PDE10A: variants seen among roughly 807,000 people sequenced by gnomAD.
The protein encoded by PDE10A is phosphodiesterase 10A.
A neutral mutation model predicts 97.7 loss-of-function variants in PDE10A; 39 were observed. The observed-to-expected ratio is 0.40, with a 90% CI of 0.31 to 0.52. The LOEUF (loss-of-function observed/expected upper bound fraction) is 0.52, where lower values mean the gene tolerates loss of function less well. PDE10A is among the 20% of genes least tolerant of loss of function. The pLI is 0.56. For synonymous variants in PDE10A, 371 were observed against 376.8 expected (o/e 0.98, Z 0.18); for missense variants, 731 against 1,047.8 (o/e 0.70, Z 4.17).
At chr6:165,888,283 T>C (rs1264780667) in intron 1 of PDE10A, among the ~76,000 whole-genome samples, 1 of 142,282 alleles carries the variant, frequency 7.0e-6, no homozygotes. Context: ...TATGCTTGCT[T>C]TTCTTTTCTT....
chr6:165,695,194 C>A (rs973838210), intron 1 of PDE10A, among the ~76,000 whole-genome samples: 1 of 148,156 alleles, frequency 6.7e-6, no homozygotes. Context: ...CCCCAGTGAG[C>A]CTGGTGAAAA....
At chr6:165,457,666 T>C (rs73788398) in intron 3 of PDE10A, among the ~76,000 whole-genome samples, 5,427 of 152,258 alleles carry the variant, frequency 0.036, 349 homozygotes, top group African/African-American at 0.12. Flanking sequence ...GTACATTTGC[T>C]GTGGTGCCTC....
chr6:165,590,681 G>C (rs1452181455), intron 1 of PDE10A, among the ~76,000 whole-genome samples: 1 of 152,162 alleles, frequency 6.6e-6, no homozygotes, highest in Non-Finnish European at 1.5e-5. Context: ...CACGAGATCA[G>C]CAGATCGAGA....
chr6:165,577,401 G>A (rs1380830233), intron 1 of PDE10A, among the ~76,000 whole-genome samples: 5 of 152,120 alleles, frequency 3.3e-5, no homozygotes, highest in African/African-American at 7.2e-5. Context: ...AGACCTTCCA[G>A]GGCAGCACGC....
intron 1 of PDE10A, among the ~76,000 whole-genome samples, chr6:165,958,579 AAGACAGAAAGAG>A (rs1562327397): frequency 9.6e-4 from 33 of 34,524 alleles, no homozygotes; most frequent in African/African-American, 2.7e-3. Context: ...GACAGAAAGA[AAGACAGAAAGAG>A]AGAAAGAAAG....
intron 2 of PDE10A, among the ~76,000 whole-genome samples, chr6:165,483,230 C>CA (rs1779706814): frequency 6.6e-6 from 1 of 152,186 alleles, no homozygotes; most frequent in African/African-American, 2.4e-5. Context: ...TCTTCTTGAG[C>CA]AATCAAACCC....
chr6:165,413,806 T>C (rs926585290), intron 12 of PDE10A, 119 bp from the exon 13 acceptor site: 2 of 700,354 alleles, frequency 2.9e-6, no homozygotes, highest in South Asian at 2.0e-5. Context: ...CTATTGCATA[T>C]GACTAATGGC....
chr6:165,895,614 C>A (rs905046259), intron 1 of PDE10A, among the ~76,000 whole-genome samples: 1 of 152,190 alleles, frequency 6.6e-6, no homozygotes, highest in African/African-American at 2.4e-5. Flanking sequence ...AAGACAAAGG[C>A]CTTCCTTATC....
chr6:165,550,720 G>A (rs1783971615), intron 1 of PDE10A, among the ~76,000 whole-genome samples: 1 of 152,174 alleles, frequency 6.6e-6, no homozygotes, highest in Non-Finnish European at 1.5e-5. Context: ...AATTGAGGAA[G>A]TCAGATAACA....
chr6:165,766,897 A>G (rs1329389514), intron 1 of PDE10A, among the ~76,000 whole-genome samples: 1 of 152,260 alleles, frequency 6.6e-6, no homozygotes, highest in Non-Finnish European at 1.5e-5. Context: ...TTTCATATCA[A>G]TAGCCATTTG....
chr6:165,580,245 A>G (rs1023327430), intron 1 of PDE10A, among the ~76,000 whole-genome samples: 3 of 152,122 alleles, frequency 2.0e-5, no homozygotes, highest in African/African-American at 7.2e-5. Flanking sequence ...ATGAGGAGGA[A>G]TGGGTCGGGT....
chr6:165,747,426 A>G (rs957500893), intron 1 of PDE10A, among the ~76,000 whole-genome samples: 6 of 152,150 alleles, frequency 3.9e-5, no homozygotes, highest in African/African-American at 1.2e-4. Context: ...CATTGACTCA[A>G]TCTTCACAAT....
At chr6:165,755,029 C>G (rs1793085738) in intron 1 of PDE10A, among the ~76,000 whole-genome samples, 1 of 151,904 alleles carries the variant, frequency 6.6e-6, no homozygotes, top group Non-Finnish European at 1.5e-5. Context: ...ACATTTAAAA[C>G]TGAAAAAAAG....
chr6:165,390,416 G>T (rs1355283582), intron 16 of PDE10A, among the ~76,000 whole-genome samples: 4 of 152,186 alleles, frequency 2.6e-5, no homozygotes, highest in Non-Finnish European at 4.4e-5. Flanking sequence ...CTTACATGGG[G>T]TTTACTGCAA....
At chr6:165,745,139 A>G (rs1256976259) in intron 1 of PDE10A, among the ~76,000 whole-genome samples, 2 of 152,212 alleles carry the variant, frequency 1.3e-5, no homozygotes, top group Non-Finnish European at 2.9e-5. Flanking sequence ...TATGGCTTCA[A>G]GAAGATAATT....
At chr6:165,796,120 G>A (rs1421700368) in intron 1 of PDE10A, among the ~76,000 whole-genome samples, 14 of 131,290 alleles carry the variant, frequency 1.1e-4, no homozygotes, top group Non-Finnish European at 1.4e-4. Flanking sequence ...TTTTGAGACG[G>A]AGTCTTGATC....
intron 1 of PDE10A, among the ~76,000 whole-genome samples, chr6:165,624,956 CCT>C (rs962491191): frequency 4.3e-4 from 65 of 152,294 alleles, no homozygotes; most frequent in African/African-American, 1.5e-3. Flanking sequence ...AGGGCCTGAG[CCT>C]CAGGTATCTG....
intron 18 of PDE10A, among the ~76,000 whole-genome samples, chr6:165,363,701 T>C (rs947789448): frequency 6.6e-6 from 1 of 152,218 alleles, no homozygotes; most frequent in Admixed American, 6.5e-5. Flanking sequence ...ATAAGATCGG[T>C]AGTACAAAAA....
At position 165,654,872 on chromosome 6, in the gene PDE10A, G is replaced by A. The variant is rs114518404; in HGVS notation, c.865+7075C>T. Among the ~76,000 whole-genome samples the A allele has an allele frequency of 9.1e-3, 1,389 of 152,230 alleles. 28 individuals carry two copies. The highest frequency in any genetic ancestry group is 0.031 in the African/African-American group (1,307 of 41,526). On this transcript the variant is annotated intron_variant, in intron 1 of 21. Coordinates refer to ENST00000539869, the MANE Select transcript of PDE10A (RefSeq NM_001385079.1). ...AGGCTCCGCTTCTGAACTCCAGGCCGTGCTACCTTCCATCTCAGGATCTTG... is the reference window on the plus strand; with the variant it reads ...AGGCTCCGCTTCTGAACTCCAGGCCATGCTACCTTCCATCTCAGGATCTTG...
Sources: gnomAD v4.1 joint callset for allele counts (sites outside exome capture counted in the v4.1 genomes callset) on GRCh38, gnomAD v4.1.1 for gene constraint, MANE v1.5 for transcripts, NCBI Gene and HGNC (gene_info 2026-07-23, HGNC 2026-07-21) for gene names.